Variants in ATP7A observed in about 807,000 individuals in gnomAD.
ATP7A encodes the protein copper-transporting ATPase 1.
ATP7A carries 7 observed loss-of-function variants against 83.5 expected under a neutral mutation model. That is an observed-to-expected ratio of 0.08 (90% CI 0.05 to 0.16). The LOEUF (loss-of-function observed/expected upper bound fraction) is 0.16, where lower values mean the gene tolerates loss of function less well. Ranked by LOEUF, ATP7A falls within the 10% of genes least tolerant of loss-of-function variation. The pLI is 1.00. For missense variants in ATP7A, 940 were observed against 1,120.8 expected, an observed-to-expected ratio of 0.84 and a Z score of 2.30; for synonymous variants, 354 against 395.2, an observed-to-expected ratio of 0.90 and a Z score of 1.24.
At chrX:78,012,208 G>C (rs1557234641) in intron 9 of ATP7A, among the ~76,000 whole-genome samples, 1 of 111,659 alleles carries the variant, frequency 9.0e-6, no homozygotes, top group Non-Finnish European at 1.9e-5. Context: ...CTTTGGAATA[G>C]AATACTTCTA....
chrX:77,971,556 TG>T (rs1281772334), intron 1 of ATP7A, 64 bp from the exon 2 acceptor site: 1 of 1,061,247 alleles, frequency 9.4e-7, no homozygotes, highest in East Asian at 3.1e-5. Flanking sequence ...ATTGGGGAGG[TG>T]GGGGAAAAGT....
At chrX:77,974,231 C>T (rs1557229993) in intron 2 of ATP7A, among the ~76,000 whole-genome samples, 1 of 109,940 alleles carries the variant, frequency 9.1e-6, no homozygotes, top group Non-Finnish European at 1.9e-5. Context: ...GCAACGTCCA[C>T]CTCCTGGGTT....
chrX:78,020,913 C>A (rs372356886), intron 13 of ATP7A, 32 bp from the exon 14 acceptor site: 254 of 1,184,056 alleles, frequency 2.1e-4, no homozygotes, highest in Non-Finnish European at 2.6e-4. Flanking sequence ...TATGCTTCTT[C>A]TTCTTATTAT....
intron 17 of ATP7A, among the ~76,000 whole-genome samples, chrX:78,038,099 C>T (rs963946798): frequency 1.0e-5 from 1 of 97,188 alleles, no homozygotes; most frequent in Non-Finnish European, 2.0e-5. Flanking sequence ...GGCAAAGGAG[C>T]GGGGGTGTCT....
At chrX:77,951,021 A>G (rs1188183764) in intron 1 of ATP7A, among the ~76,000 whole-genome samples, 1 of 111,358 alleles carries the variant, frequency 9.0e-6, no homozygotes, top group Non-Finnish European at 1.9e-5. Context: ...ACTCTGTCTC[A>G]AAAAAGAAAA....
At chrX:77,987,442 A>G (rs782566892) in intron 2 of ATP7A, among the ~76,000 whole-genome samples, 57 of 54,191 alleles carry the variant, frequency 1.1e-3, no homozygotes, top group African/African-American at 6.1e-3. Flanking sequence ...CCAACCCAGT[A>G]TTTGTGTGTG....
intron 14 of ATP7A, among the ~76,000 whole-genome samples, chrX:78,024,500 G>A (rs1557236131): frequency 8.9e-6 from 1 of 111,735 alleles, no homozygotes; most frequent in African/African-American, 3.3e-5. Flanking sequence ...GCCAGCTAGC[G>A]CACACTTGGA....
intron 2 of ATP7A, among the ~76,000 whole-genome samples, chrX:77,985,522 A>G (rs192739408): frequency 8.1e-5 from 9 of 111,038 alleles, no homozygotes; most frequent in Non-Finnish European, 1.7e-4. Context: ...CCACCCAAGA[A>G]TGGTCTGTGA....
At chrX:77,930,135 A>C (rs1557224023) in intron 1 of ATP7A, among the ~76,000 whole-genome samples, 1 of 112,162 alleles carries the variant, frequency 8.9e-6, no homozygotes, top group Non-Finnish European at 1.9e-5. Context: ...TGATAGGCTC[A>C]GAATTTGAAG....
chrX:77,997,556 G>C (rs1339053331), intron 4 of ATP7A, among the ~76,000 whole-genome samples: 1 of 110,866 alleles, frequency 9.0e-6, no homozygotes, highest in East Asian at 2.8e-4. Context: ...AGATAGACTA[G>C]TGGAAATTTG....
chrX:78,031,226 A>G (rs1435662616), intron 15 of ATP7A, among the ~76,000 whole-genome samples, 174 bp from the exon 16 acceptor site: 2 of 111,948 alleles, frequency 1.8e-5, no homozygotes, highest in East Asian at 5.5e-4. Flanking sequence ...TATAACTAAG[A>G]GTATTTCTTC....
At chrX:77,932,005 C>T (rs1328108476) in intron 1 of ATP7A, among the ~76,000 whole-genome samples, 1 of 108,540 alleles carries the variant, frequency 9.2e-6, no homozygotes, top group African/African-American at 3.4e-5. Flanking sequence ...GGCTGACCCC[C>T]CCACCTCCCT....
chrX:78,010,640 T>C (rs1218731696), intron 7 of ATP7A, among the ~76,000 whole-genome samples: 1 of 87,195 alleles, frequency 1.1e-5, no homozygotes. Context: ...AGTGCAGTGG[T>C]GCGATCTCAG....
At chrX:77,938,376 C>G (rs187441494) in intron 1 of ATP7A, among the ~76,000 whole-genome samples, 1 of 112,588 alleles carries the variant, frequency 8.9e-6, no homozygotes, top group East Asian at 2.8e-4. Context: ...TAAATGCTTT[C>G]TTTTTATAAG....
chrX:78,036,477 G>T (rs897792515), intron 17 of ATP7A, among the ~76,000 whole-genome samples: 9 of 111,776 alleles, frequency 8.1e-5, no homozygotes, highest in Non-Finnish European at 1.7e-4. Flanking sequence ...AGAGTAAATG[G>T]ATGGGCAAGG....
rs781927331 is a variant in ATP7A at position 77,950,690 on chromosome X, AT to A, written c.-21-20925del. Reference sequence around the variant, plus strand: ...ATTTTGTCAATTGTCTGGCATATATATTTTTTGAGATATAATTTAACATACC... The same window carrying A: ...ATTTTGTCAATTGTCTGGCATATATATTTTTGAGATATAATTTAACATACC... On this transcript the variant is annotated intron_variant, in intron 1 of 22. Transcript: ENST00000341514. 1.8e-3 allele frequency among the ~76,000 whole-genome samples: 203 copies of A among 111,413 alleles called. 1 individual carries two copies. The East Asian group carries it at 0.043, about 24-fold the overall frequency.
At chrX:78,021,596 C>T (rs1354796017) in intron 14 of ATP7A, among the ~76,000 whole-genome samples, 1 of 111,833 alleles carries the variant, frequency 8.9e-6, no homozygotes, top group Non-Finnish European at 1.9e-5. Context: ...ATCTAGTTCT[C>T]TGATGCTGTC....
At chrX:78,022,501 GTTTGTTTA>G (rs1363945413) in intron 14 of ATP7A, among the ~76,000 whole-genome samples, 4 of 75,058 alleles carry the variant, frequency 5.3e-5, no homozygotes, top group East Asian at 4.8e-4. Context: ...TTGTTTGTTT[GTTTGTTTA>G]TTTATTTATT....
chrX:78,014,038 T>C (rs1247245935), intron 10 of ATP7A, among the ~76,000 whole-genome samples: 1 of 111,724 alleles, frequency 9.0e-6, no homozygotes, highest in African/African-American at 3.3e-5. Flanking sequence ...CCTGTGTGTT[T>C]ATTGGGTTCA....
Sources: gnomAD v4.1 joint callset for allele counts (sites outside exome capture counted in the v4.1 genomes callset) on GRCh38, gnomAD v4.1.1 for gene constraint, MANE v1.5 for transcripts, NCBI Gene and HGNC (gene_info 2026-07-23, HGNC 2026-07-21) for gene names.